ELP4: variants seen among roughly 807,000 people sequenced by gnomAD.
ELP4 encodes the protein elongator acetyltransferase complex subunit 4, also known as elongator complex protein 4.
Under a neutral mutation model 48.9 loss-of-function variants are expected in ELP4, and 51 were observed. The observed-to-expected ratio is 1.04, with a 90% confidence interval of 0.83 to 1.32. ELP4 has a LOEUF of 1.32. Among genes scored for constraint, ELP4 ranks in the 40% most tolerant of loss-of-function variants. The pLI is 0.00. For missense variants in ELP4, 519 were observed against 514.6 expected, an observed-to-expected ratio of 1.01 and a Z score of -0.08; for synonymous variants, 210 against 189.2, an observed-to-expected ratio of 1.11 and a Z score of -0.90.
chr11:31,679,939 C>T (rs1946022114), intron 9 of ELP4, among the ~76,000 whole-genome samples: 1 of 152,172 alleles, frequency 6.6e-6, no homozygotes, highest in Admixed American at 6.5e-5. Context: ...GTTGTGTACT[C>T]TCTAATGTCC....
chr11:31,658,545 G>T (rs1362120576), intron 9 of ELP4, among the ~76,000 whole-genome samples: 2 of 151,776 alleles, frequency 1.3e-5, no homozygotes, highest in Admixed American at 1.3e-4. Context: ...AGAAAGTATT[G>T]TATACAAAGA....
intron 9 of ELP4, chr11:31,762,202 GA>G (rs1478589675): frequency 1.3e-5 from 2 of 151,848 alleles, no homozygotes; most frequent in African/African-American, 2.4e-5. Flanking sequence ...CTACAAAACA[GA>G]AAAAAACTTG....
intron 9 of ELP4, chr11:31,714,513 C>G (rs1446067167): frequency 2.5e-6 from 1 of 396,698 alleles, no homozygotes; most frequent in African/African-American, 2.1e-5. Flanking sequence ...TTTGTTTTTA[C>G]ACAATTCCAA....
intron 3 of ELP4, among the ~76,000 whole-genome samples, chr11:31,549,999 G>T (rs548612395): frequency 2.4e-4 from 37 of 152,160 alleles, no homozygotes; most frequent in African/African-American, 8.2e-4. Context: ...GGTGGGGTAG[G>T]GGGGAGGGAT....
intron 9 of ELP4, among the ~76,000 whole-genome samples, chr11:31,742,932 T>C (rs1947490181): frequency 6.6e-6 from 1 of 151,960 alleles, no homozygotes; most frequent in Non-Finnish European, 1.5e-5. Context: ...GGCTAAATGC[T>C]CCAATTAAAA....
At chr11:31,514,440 C>T (rs1457671942) in intron 1 of ELP4, among the ~76,000 whole-genome samples, 1 of 152,088 alleles carries the variant, frequency 6.6e-6, no homozygotes, top group African/African-American at 2.4e-5. Context: ...GCCTGGGTGA[C>T]AGTGAGACCC....
chr11:31,512,591 C>G (rs976080583), intron 1 of ELP4: 1 of 152,204 alleles, frequency 6.6e-6, no homozygotes, highest in East Asian at 1.9e-4. Flanking sequence ...CCCAGATTAT[C>G]TAACCCATGT....
At chr11:31,725,973 G>A (rs900616025) in intron 9 of ELP4, among the ~76,000 whole-genome samples, 2 of 152,060 alleles carry the variant, frequency 1.3e-5, no homozygotes, top group Admixed American at 1.3e-4. Context: ...TTTACATATC[G>A]GTTTCCTTAC....
intron 3 of ELP4, among the ~76,000 whole-genome samples, chr11:31,566,202 C>G (rs1352583990): frequency 1.3e-5 from 2 of 151,814 alleles, no homozygotes; most frequent in African/African-American, 4.8e-5. Context: ...TACTAAAATA[C>G]AAAAAAATAG....
chr11:31,525,573 A>G (rs900491732), intron 2 of ELP4, among the ~76,000 whole-genome samples: 1 of 152,200 alleles, frequency 6.6e-6, no homozygotes, highest in Non-Finnish European at 1.5e-5. Flanking sequence ...GAGTATGCCT[A>G]TGTAATAACT....
chr11:31,740,761 G>A (rs1947425718), intron 9 of ELP4, among the ~76,000 whole-genome samples: 1 of 152,182 alleles, frequency 6.6e-6, no homozygotes, highest in Non-Finnish European at 1.5e-5. Context: ...TTTGGGGGAG[G>A]AGCCAAGATG....
At chr11:31,768,402 A>G (rs1948080998) in intron 9 of ELP4, among the ~76,000 whole-genome samples, 2 of 152,204 alleles carry the variant, frequency 1.3e-5, no homozygotes, top group South Asian at 2.1e-4. Context: ...GATACTTTTC[A>G]TTCATTATGA....
At chr11:31,766,833 C>T (rs930359801) in intron 9 of ELP4, among the ~76,000 whole-genome samples, 5 of 151,898 alleles carry the variant, frequency 3.3e-5, no homozygotes, top group Admixed American at 1.3e-4. Context: ...GATGTATTTG[C>T]TTAAACTGAT....
chr11:31,789,238 G>A lies in ELP4; in HGVS notation c.*5714G>A, dbSNP rs1391069575. 4.7e-6 allele frequency: 1 copy of A among 213,226 alleles called. No individual in the cohort carries two copies. The allele number at this position is 213,226 out of a possible 1,614,324, so 13.2% of individuals were successfully genotyped here. On this transcript the variant is annotated 3_prime_UTR_variant, in exon 10 of 10. Transcript: ENST00000640961. ...ACTTTATTATAGAAATCATTCTGAG[G>A]ATTTCTAGGGAAGACAAATACTTAC...
At chr11:31,702,606 T>C (rs1946548778) in intron 9 of ELP4, among the ~76,000 whole-genome samples, 1 of 152,124 alleles carries the variant, frequency 6.6e-6, no homozygotes, top group East Asian at 1.9e-4. Context: ...TGATTCGTAG[T>C]TTTTCATCTG....
chr11:31,767,398 A>AAAG (rs1554978644), intron 9 of ELP4: 1 of 151,830 alleles, frequency 6.6e-6, no homozygotes, highest in Admixed American at 6.6e-5. Context: ...AAAAAAAAAA[A>AAAG]AAAAATTAGC....
At chr11:31,618,364 C>T (rs896622497) in intron 5 of ELP4, among the ~76,000 whole-genome samples, 3 of 151,928 alleles carry the variant, frequency 2.0e-5, no homozygotes, top group East Asian at 3.9e-4. Context: ...GGTTAAGGAC[C>T]GAGTCTCCAC....
Position 31,509,866 on chromosome 11 carries a change from A to G in ELP4, c.82A>G (p.Ser28Gly), listed in dbSNP as rs1451195916. 4.1e-5 allele frequency: 66 copies of G among 1,614,022 alleles called. No individual in the cohort carries two copies. Among genetic ancestry groups the G allele is most frequent in the Non-Finnish European group, 5.5e-5 (65 of 1,180,006 alleles). The part of the protein sequence containing the change: ...VATASKSNVT[S>G]FQRRGPRASV... The stretch of plus-strand genomic sequence containing the variant: ...GACAGCCAGCAAGAGCAACGTCACC[A>G]GTTTCCAGAGGAGGGGTCCTAGAGC... Residue 28 changes from serine to glycine, a missense_variant, in exon 1 of 10, where the codon AGT (serine) becomes GGT (glycine). Ser to Gly is a moderately conservative substitution (Grantham distance 56). Transcript: ENST00000640961.
chr11:31,742,088 A>G (rs1176915578), intron 9 of ELP4, among the ~76,000 whole-genome samples: 1 of 152,228 alleles, frequency 6.6e-6, no homozygotes, highest in African/African-American at 2.4e-5. Context: ...CACAAGAGCT[A>G]CATGACGAAT....
Sources: allele counts gnomAD v4.1 joint callset (sites outside exome capture counted in the v4.1 genomes callset), GRCh38; gene constraint gnomAD v4.1.1; transcripts MANE v1.5; gene names NCBI Gene and HGNC (gene_info 2026-07-23, HGNC 2026-07-21).